The following ACOX2 variants were observed in gnomAD, a reference collection of about 807,000 sequenced individuals.
ACOX2 encodes acyl-CoA oxidase 2, also known as peroxisomal acyl-coenzyme A oxidase 2.
ACOX2 carries 59 observed loss-of-function variants against 77.5 expected under a neutral mutation model. The observed-to-expected ratio is 0.76, with a 90% CI of 0.62 to 0.95. The LOEUF (loss-of-function observed/expected upper bound fraction) is 0.95. ACOX2 is among the 40% of genes least tolerant of loss of function. The pLI is 0.00. For synonymous variants in ACOX2, 317 were observed against 340.1 expected, an observed-to-expected ratio of 0.93 and a Z score of 0.75; for missense variants, 837 against 880.4, an observed-to-expected ratio of 0.95 and a Z score of 0.62.
At chr3:58,509,901 C>T (rs1438969647) in intron 13 of ACOX2, among the ~76,000 whole-genome samples, 1 of 151,968 alleles carries the variant, frequency 6.6e-6, no homozygotes, top group African/African-American at 2.4e-5. Context: ...CCACCATGCC[C>T]GGCTGGCAAT....
intron 12 of ACOX2, among the ~76,000 whole-genome samples, chr3:58,520,940 C>T (rs2107998140): frequency 6.6e-6 from 1 of 152,330 alleles, no homozygotes; most frequent in Middle Eastern, 3.4e-3. Context: ...GTTCTCTTTC[C>T]TCACCCTTGA....
In ACOX2 at chr3:58,530,595, C is replaced by T. The variant is rs2063431137; in HGVS notation, c.863G>A (p.Ser288Asn). ...CACCACCACCATGGGAAGGTAGTTGCTCTGTGCTGTACCGAGTTTGACGTA... is the reference window on the plus strand; with the variant it reads ...CACCACCACCATGGGAAGGTAGTTGTTCTGTGCTGTACCGAGTTTGACGTA... ...GTYVKLGTAQ[S>N]NYLPMVVVRV... Residue 288 changes from serine (S) to asparagine (N), a missense_variant, in exon 8 of 15, where the codon AGC (serine) becomes AAC (asparagine). Transcript: ENST00000302819. The T allele has an allele frequency of 6.2e-7, 1 of 1,614,238 alleles. No homozygotes were observed. Among genetic ancestry groups the T allele is most frequent in the Middle Eastern group, 1.6e-4 (1 of 6,062 alleles).
intron 9 of ACOX2, among the ~76,000 whole-genome samples, chr3:58,527,061 T>C (rs896521610): frequency 2.0e-4 from 31 of 152,168 alleles, no homozygotes; most frequent in African/African-American, 7.0e-4. Context: ...GGTCTGAATG[T>C]GTCCACCTAA....
At chr3:58,517,940 T>C (rs756133032) in intron 12 of ACOX2, among the ~76,000 whole-genome samples, 1 of 151,290 alleles carries the variant, frequency 6.6e-6, no homozygotes, top group East Asian at 1.9e-4. Context: ...CCAGGCATGG[T>C]GGTGCATGCC....
At position 58,531,719 on chromosome 3, in the gene ACOX2, C is replaced by A; in HGVS notation, c.677G>T (p.Ser226Ile). ...TGGCAGTGGGGTGTGGTCCTGAAGA[C>A]TCCGGATTGGCACAATAAAAGCGTG... Reference protein sequence around the residue: ...GMHAFIVPIRSLQDHTPLPGI... With the variant: ...GMHAFIVPIRILQDHTPLPGI... The change falls in exon 6 of 15, where the codon AGT becomes ATT. Residue 226 changes from serine (S) to isoleucine (I), a missense_variant. Coordinates refer to ENST00000302819, the MANE Select transcript of ACOX2 (RefSeq NM_003500.4). The surrounding 1 kb of genome is among the most constrained non-coding windows in gnomAD (Gnocchi z 5.8). 6.2e-7 allele frequency: 1 copy of A among 1,614,184 alleles called. No homozygotes were observed. The highest frequency in any genetic ancestry group is 1.1e-5 in the South Asian group (1 of 91,082).
At chr3:58,506,761 C>T (rs987009711) in intron 14 of ACOX2, among the ~76,000 whole-genome samples, 3 of 152,158 alleles carry the variant, frequency 2.0e-5, no homozygotes, top group Non-Finnish European at 4.4e-5. Flanking sequence ...CACTGCATTT[C>T]AGCCTGGATG....
chr3:58,513,748 G>T (rs1576988842), intron 13 of ACOX2, among the ~76,000 whole-genome samples: 1 of 151,852 alleles, frequency 6.6e-6, no homozygotes, highest in Non-Finnish European at 1.5e-5. Flanking sequence ...TCAGGTGTTT[G>T]GTGATCCCTG....
chr3:58,509,019 A>G lies in ACOX2; in HGVS notation c.1857T>C (p.Asp619=). 6.2e-7 allele frequency: 1 copy of G among 1,614,168 alleles called. No homozygotes were observed. Among genetic ancestry groups the G allele is most frequent in the Non-Finnish European group, 8.5e-7 (1 of 1,179,986 alleles). Residue 619 remains aspartate (D), a synonymous_variant, in exon 14 of 15, where the codon GAT becomes GAC. Coordinates refer to ENST00000302819, the MANE Select transcript of ACOX2 (RefSeq NM_003500.4). ...CAAAAGCATCAGTTAACAGGATGGC[A>G]TCCTTCCTGGGATAGGAAACAAGAG... ...YLDLLRLIRK[D]AILLTDAFDF...
In ACOX2 at chr3:58,535,249, T is replaced by A; in HGVS notation, c.-91-52A>T. 9.8e-7 allele frequency: 1 copy of A among 1,024,100 alleles called. No individual in the cohort carries two copies. Among genetic ancestry groups the A allele is most frequent in the Non-Finnish European group, 1.5e-6 (1 of 685,476 alleles). 63.4% of individuals were successfully genotyped at this position (1,024,100 alleles called of 1,614,324 possible). A position where few individuals can be genotyped will look rare whatever the true frequency, so the allele number is the denominator to read the frequency against. On this transcript the variant is annotated intron_variant, in intron 1 of 14. Transcript: ENST00000302819. The surrounding 1 kb of genome is among the most constrained non-coding windows in gnomAD (Gnocchi z 4.8). ...CTGGGTGTCAGCCAGGGCTGGTTGG[T>A]AGAAGAAAGACATCCCTAAGTACCT...
chr3:58,526,451 C>G lies in ACOX2; in HGVS notation c.1346+15G>C. 6.2e-7 allele frequency: 1 copy of G among 1,601,028 alleles called. No homozygotes were observed. Among genetic ancestry groups the G allele is most frequent in the Non-Finnish European group, 8.5e-7 (1 of 1,172,174 alleles). On this transcript the variant is annotated intron_variant, in intron 10 of 14. Transcript: ENST00000302819. This position sits in a 1 kb window ranked among gnomAD's most constrained non-coding sequence, Gnocchi z 4.3. ...CAAGGGCTTGGGCAAAGGCCTGGGT[C>G]AGCCTGGACCTTACCTGGCCACCTG... is the stretch of plus-strand genomic sequence containing the variant.
At position 58,510,653 on chromosome 3, in the gene ACOX2, A is replaced by T. The variant is rs1560209654; in HGVS notation, c.1851-1628T>A. On this transcript the variant is annotated intron_variant, in intron 13 of 14. Transcript: ENST00000302819. ...CGCTCAAAAAAAAAAAAAAAAAAAA[A>T]AAAAAAAAAAATATATATATATATA... Among the ~76,000 whole-genome samples, 15 of 39,948 alleles carry T rather than the reference A, an allele frequency of 3.8e-4. 1 individual carries two copies. The highest frequency in any genetic ancestry group is 1.1e-3 in the African/African-American group (10 of 9,292). The allele number at this position is 39,948 out of a possible 152,430, so 26.2% of individuals were successfully genotyped here.
intron 5 of ACOX2, among the ~76,000 whole-genome samples, chr3:58,532,342 C>T (rs992871326): frequency 9.2e-5 from 14 of 151,974 alleles, no homozygotes; most frequent in Non-Finnish European, 8.8e-5. Context: ...TTTCTGTCAT[C>T]ACTCTCTCAT....
At position 58,524,310 on chromosome 3, in the gene ACOX2, C is replaced by T; in HGVS notation, c.1526+116G>A. The T allele has an allele frequency of 7.6e-7, 1 of 1,315,662 alleles. No individual in the cohort carries two copies. Among genetic ancestry groups the T allele is most frequent in the African/African-American group, 1.5e-5 (1 of 68,388 alleles). The allele number at this position is 1,315,662 out of a possible 1,614,324, so 81.5% of individuals were successfully genotyped here. ...AACTGAGAGGACCGGGGAGGCTAGG[C>T]ATGGGGTGGTTTTTAGAACTGAATC... On this transcript the variant is annotated intron_variant, in intron 11 of 14. Coordinates refer to ENST00000302819, the MANE Select transcript of ACOX2 (RefSeq NM_003500.4). This position sits in a 1 kb window ranked among gnomAD's most constrained non-coding sequence, Gnocchi z 5.5.
intron 13 of ACOX2, chr3:58,511,245 G>T (rs552149966): frequency 3.1e-6 from 1 of 320,656 alleles, no homozygotes; most frequent in Non-Finnish European, 6.1e-6. Flanking sequence ...TTCCCCTCAG[G>T]GGTAAAAAGT....
intron 14 of ACOX2, among the ~76,000 whole-genome samples, chr3:58,507,520 A>G (rs770016184): frequency 3.9e-5 from 6 of 152,242 alleles, no homozygotes; most frequent in Non-Finnish European, 8.8e-5. Context: ...TGTTGCCAGT[A>G]TAACAGGTTT....
Position 58,521,536 on chromosome 3 carries a change from C to T in ACOX2, c.1632+960G>A, listed in dbSNP as rs1303827030. Among the ~76,000 whole-genome samples, 1 of 152,194 alleles carries T rather than the reference C, an allele frequency of 6.6e-6. No individual in the cohort carries two copies. Among genetic ancestry groups the T allele is most frequent in the Non-Finnish European group, 1.5e-5 (1 of 68,040 alleles). ...ACTTGTCTCCAGGCCTTCTGCCATG[C>T]TCATGGTCAGGACCACCCTCAGTCC... On this transcript the variant is annotated intron_variant, in intron 12 of 14. Transcript: ENST00000302819. The surrounding 1 kb of genome is among the most constrained non-coding windows in gnomAD (Gnocchi z 4.8).
chr3:58,522,406 G>C lies in ACOX2; in HGVS notation c.1632+90C>G. The stretch of plus-strand genomic sequence containing the variant: ...CAGCCGCCACTGAAGCAGAGTTGGG[G>C]AATAATGGCAGAGCCCGGATTTTCC... On this transcript the variant is annotated intron_variant, in intron 12 of 14. Coordinates refer to ENST00000302819, the MANE Select transcript of ACOX2 (RefSeq NM_003500.4). The surrounding 1 kb of genome is among the most constrained non-coding windows in gnomAD (Gnocchi z 4.3). 1.6e-6 allele frequency: 2 copies of C among 1,275,000 alleles called. No homozygotes were observed. Among genetic ancestry groups the C allele is most frequent in the East Asian group, 2.4e-5 (1 of 42,344 alleles). 79.0% of individuals were successfully genotyped at this position (1,275,000 alleles called of 1,614,324 possible).
intron 7 of ACOX2, 84 bp from the exon 8 acceptor site, chr3:58,530,722 C>A: frequency 6.9e-7 from 1 of 1,441,726 alleles, no homozygotes; most frequent in Admixed American, 2.1e-5. Context: ...GGGCTCCACA[C>A]ATGGAGGGCA....
chr3:58,522,637 C>G lies in ACOX2; in HGVS notation c.1527-36G>C. On this transcript the variant is annotated intron_variant, in intron 11 of 14. Transcript: ENST00000302819. The surrounding 1 kb of genome is among the most constrained non-coding windows in gnomAD (Gnocchi z 4.3). The stretch of plus-strand genomic sequence containing the variant: ...AAGCAAAAAAGGTTCAGCTTCCTGA[C>G]TGAGTGGAAAAGACAACTGATGGGC... 1 of 1,598,242 alleles carries G rather than the reference C, an allele frequency of 6.3e-7. No homozygotes were observed. Among genetic ancestry groups the G allele is most frequent in the Non-Finnish European group, 8.6e-7 (1 of 1,165,576 alleles).
Sources: allele counts gnomAD v4.1 joint callset (sites outside exome capture counted in the v4.1 genomes callset), GRCh38; gene constraint gnomAD v4.1.1; non-coding constraint Gnocchi (gnomAD v3.1); transcripts MANE v1.5; gene names NCBI Gene and HGNC (gene_info 2026-07-23, HGNC 2026-07-21).